UBASH3B: variants seen among roughly 807,000 people sequenced by gnomAD.
UBASH3B encodes the protein ubiquitin associated and SH3 domain containing B.
UBASH3B carries 37 observed loss-of-function variants against 83.4 expected under a neutral mutation model. That is an observed-to-expected ratio of 0.44 (90% confidence interval 0.34 to 0.58). UBASH3B has a LOEUF of 0.58. UBASH3B is among the 20% of genes least tolerant of loss of function. UBASH3B has a pLI of 0.01. For synonymous variants in UBASH3B, 304 were observed against 318.3 expected, an observed-to-expected ratio of 0.96 and a Z score of 0.48; for missense variants, 657 against 827.2, an observed-to-expected ratio of 0.79 and a Z score of 2.52.
intron 1 of UBASH3B, among the ~76,000 whole-genome samples, chr11:122,721,614 C>G (rs974097807): frequency 2.0e-5 from 3 of 152,230 alleles, no homozygotes; most frequent in African/African-American, 7.2e-5. Context: ...ACTGCCTGTT[C>G]TGCAGACATT....
intron 1 of UBASH3B, among the ~76,000 whole-genome samples, chr11:122,726,937 A>G (rs1033476108): frequency 1.3e-5 from 2 of 152,220 alleles, no homozygotes; most frequent in African/African-American, 4.8e-5. Flanking sequence ...GGCAGAAGGG[A>G]TGCTCAGAGT....
intron 1 of UBASH3B, 139 bp downstream of exon 1, chr11:122,656,349 G>A: frequency 1.1e-6 from 1 of 902,860 alleles, no homozygotes. Context: ...GGGGCGGGAT[G>A]GGCGCGCTGG....
rs765534206 is a variant in UBASH3B, at chr11:122,777,101, G to GCC, written c.296_297dup (p.Leu100ProfsTer2). The GCC allele has an allele frequency of 6.2e-7, 1 of 1,613,980 alleles. No homozygotes were observed. The highest frequency in any genetic ancestry group is 1.1e-5 in the South Asian group (1 of 91,070). ...TACGTCCTCTACCTCCGTCCCACCG[G>GCC]CCCCTTAGCACAGAAGCTTTCCGAC... On this transcript the variant is annotated frameshift_variant, in exon 3 of 14. Transcript: ENST00000284273. LOFTEE classifies it high-confidence loss of function.
chr11:122,713,901 G>C (rs1026650044), intron 1 of UBASH3B, among the ~76,000 whole-genome samples: 1 of 152,150 alleles, frequency 6.6e-6, no homozygotes, highest in Non-Finnish European at 1.5e-5. Context: ...CCTTCCATCA[G>C]ATGTTTATAT....
intron 1 of UBASH3B, among the ~76,000 whole-genome samples, chr11:122,746,413 C>T (rs1026342680): frequency 1.3e-5 from 2 of 152,238 alleles, no homozygotes; most frequent in East Asian, 1.9e-4. Context: ...TGTATTGACG[C>T]GGAAGTTATC....
At chr11:122,736,928 A>C (rs1447534612) in intron 1 of UBASH3B, among the ~76,000 whole-genome samples, 2 of 152,138 alleles carry the variant, frequency 1.3e-5, no homozygotes, top group Non-Finnish European at 2.9e-5. Context: ...AAAGGAAATA[A>C]AGGATCAAGG....
intron 1 of UBASH3B, among the ~76,000 whole-genome samples, chr11:122,767,656 A>C (rs1860574105): frequency 6.6e-6 from 1 of 152,190 alleles, no homozygotes; most frequent in Admixed American, 6.5e-5. Context: ...CGGTTAACTA[A>C]GGGACAAAAC....
At chr11:122,772,388 G>C (rs1348590168) in intron 1 of UBASH3B, among the ~76,000 whole-genome samples, 1 of 152,030 alleles carries the variant, frequency 6.6e-6, no homozygotes, top group Non-Finnish European at 1.5e-5. Flanking sequence ...TTTGTTTTTG[G>C]TTTTCATTTG....
intron 1 of UBASH3B, among the ~76,000 whole-genome samples, chr11:122,772,515 A>C (rs1860663155): frequency 6.6e-6 from 1 of 152,178 alleles, no homozygotes; most frequent in Non-Finnish European, 1.5e-5. Flanking sequence ...AAGGAGGAAG[A>C]GGAGGGAGGG....
At chr11:122,708,263 T>C (rs1411679728) in intron 1 of UBASH3B, among the ~76,000 whole-genome samples, 1 of 151,564 alleles carries the variant, frequency 6.6e-6, no homozygotes, top group Non-Finnish European at 1.5e-5. Context: ...CCAAGGAGTT[T>C]TGTTAAGTCA....
At chr11:122,768,348 G>A (rs1484534979) in intron 1 of UBASH3B, among the ~76,000 whole-genome samples, 1 of 152,114 alleles carries the variant, frequency 6.6e-6, no homozygotes, top group East Asian at 1.9e-4. Flanking sequence ...CGTGAGGGCT[G>A]TCTGGATGGC....
intron 1 of UBASH3B, among the ~76,000 whole-genome samples, chr11:122,735,673 G>C (rs1177691618): frequency 6.6e-6 from 1 of 152,184 alleles, no homozygotes; most frequent in East Asian, 1.9e-4. Flanking sequence ...AGAAATATTT[G>C]ATCTGGACAT....
intron 1 of UBASH3B, among the ~76,000 whole-genome samples, chr11:122,751,953 C>G (rs1024262409): frequency 1.3e-5 from 2 of 152,140 alleles, no homozygotes; most frequent in Non-Finnish European, 2.9e-5. Context: ...GTAACTAAAA[C>G]TCTATGTCCT....
At chr11:122,656,843 G>C (rs1863371506) in intron 1 of UBASH3B, among the ~76,000 whole-genome samples, 1 of 152,260 alleles carries the variant, frequency 6.6e-6, no homozygotes, top group African/African-American at 2.4e-5. Flanking sequence ...CTCGTCAGTG[G>C]TGACGGCAGC....
chr11:122,784,688 C>T (rs919959635), intron 5 of UBASH3B, among the ~76,000 whole-genome samples: 6 of 152,136 alleles, frequency 3.9e-5, no homozygotes. Flanking sequence ...AGTTAGAACC[C>T]CAGGGCTGGG....
At position 122,814,244 on chromosome 11, in the gene UBASH3B, T is replaced by C. The variant is rs1861502609; in HGVS notation, c.*4358T>C. 1 of 152,472 alleles carries C rather than the reference T, an allele frequency of 6.6e-6. No individual in the cohort carries two copies. Among genetic ancestry groups the C allele is most frequent in the African/African-American group, 2.4e-5 (1 of 41,404 alleles). The allele number at this position is 152,472 out of a possible 1,614,324, so 9.4% of individuals were successfully genotyped here. A position where few individuals can be genotyped will look rare whatever the true frequency, so the allele number is the denominator to read the frequency against. On this transcript the variant is annotated 3_prime_UTR_variant, in exon 14 of 14. Transcript: ENST00000284273. ...TATAAGGCTATTGTATTTTTTTTTGTATGTGATTCAGGTGTATTTATTTGA... is the reference window on the plus strand; with the variant it reads ...TATAAGGCTATTGTATTTTTTTTTGCATGTGATTCAGGTGTATTTATTTGA...
chr11:122,704,411 G>A (rs577312594), intron 1 of UBASH3B, among the ~76,000 whole-genome samples: 2 of 152,206 alleles, frequency 1.3e-5, no homozygotes, highest in Non-Finnish European at 2.9e-5. Flanking sequence ...GGGAACCGAA[G>A]GGCTTTAGTT....
intron 1 of UBASH3B, among the ~76,000 whole-genome samples, chr11:122,738,195 C>G (rs541686432): frequency 6.7e-6 from 1 of 148,494 alleles, no homozygotes. Flanking sequence ...GTTATTTACA[C>G]TGAGCCTCAT....
intron 1 of UBASH3B, among the ~76,000 whole-genome samples, chr11:122,736,865 C>A (rs188065001): frequency 6.6e-6 from 1 of 151,716 alleles, no homozygotes; most frequent in Non-Finnish European, 1.5e-5. Flanking sequence ...GCTTGGGCAA[C>A]ATAGTGAGAC....
Sources: gnomAD v4.1 joint callset for allele counts (sites outside exome capture counted in the v4.1 genomes callset) on GRCh38, gnomAD v4.1.1 for gene constraint, MANE v1.5 for transcripts, NCBI Gene and HGNC (gene_info 2026-07-23, HGNC 2026-07-21) for gene names.